TSHZ2: variants seen among roughly 807,000 people sequenced by gnomAD.
The protein encoded by TSHZ2 is teashirt zinc finger homeobox 2, also known as teashirt homolog 2.
A neutral mutation model predicts 74.4 loss-of-function variants in TSHZ2; 21 were observed. The observed-to-expected ratio is 0.28, with a 90% confidence interval of 0.20 to 0.41. The LOEUF is 0.41. Among genes scored for constraint, TSHZ2 ranks in the 10% least tolerant of loss-of-function variants. The pLI is 1.00. For synonymous variants in TSHZ2, 540 were observed against 515.3 expected, an observed-to-expected ratio of 1.05 and a Z score of -0.65; for missense variants, 1,244 against 1,293.5, an observed-to-expected ratio of 0.96 and a Z score of 0.59.
At chr20:53,223,664 G>A (rs533880568) in intron 1 of TSHZ2, among the ~76,000 whole-genome samples, 200 of 152,094 alleles carry the variant, frequency 1.3e-3, no homozygotes, top group Non-Finnish European at 2.0e-3. Flanking sequence ...CCAAAGTGCC[G>A]GGATTACAGA....
chr20:53,423,690 C>T (rs1357927040), intron 2 of TSHZ2, among the ~76,000 whole-genome samples: 1 of 152,200 alleles, frequency 6.6e-6, no homozygotes, highest in African/African-American at 2.4e-5. Flanking sequence ...GCACATGTCA[C>T]CTCATTCCGC....
chr20:53,089,105 A>G (rs1438011650), intron 1 of TSHZ2, among the ~76,000 whole-genome samples: 1 of 151,658 alleles, frequency 6.6e-6, no homozygotes, highest in Non-Finnish European at 1.5e-5. Context: ...CTCCTTGGTG[A>G]TACCTTTTTA....
At chr20:53,107,589 T>A (rs1568762614) in intron 1 of TSHZ2, among the ~76,000 whole-genome samples, 1 of 152,198 alleles carries the variant, frequency 6.6e-6, no homozygotes, top group Non-Finnish European at 1.5e-5. Flanking sequence ...TAATAGCATC[T>A]AGGACAAGGG....
intron 1 of TSHZ2, among the ~76,000 whole-genome samples, chr20:53,052,604 T>C (rs1255294022): frequency 2.6e-5 from 4 of 152,220 alleles, no homozygotes; most frequent in African/African-American, 7.2e-5. Flanking sequence ...TTCAAGGTTC[T>C]GTGATAACAT....
At chr20:53,227,870 C>A (rs897907346) in intron 1 of TSHZ2, among the ~76,000 whole-genome samples, 2 of 152,018 alleles carry the variant, frequency 1.3e-5, no homozygotes, top group Non-Finnish European at 2.9e-5. Flanking sequence ...ATTTTTCTTT[C>A]TTTCGTTCTT....
At chr20:53,397,367 A>C (rs1354988232) in intron 2 of TSHZ2, among the ~76,000 whole-genome samples, 2 of 152,226 alleles carry the variant, frequency 1.3e-5, no homozygotes, top group African/African-American at 2.4e-5. Context: ...CAACAGACAC[A>C]TGAAAAAATG....
At chr20:53,385,855 G>A (rs1304093171) in intron 2 of TSHZ2, among the ~76,000 whole-genome samples, 1 of 152,182 alleles carries the variant, frequency 6.6e-6, no homozygotes, top group Admixed American at 6.5e-5. Context: ...TGGAGAGGCT[G>A]GAATCTAGTG....
intron 1 of TSHZ2, among the ~76,000 whole-genome samples, chr20:53,182,234 C>T (rs200683659): frequency 5.5e-5 from 8 of 146,428 alleles, no homozygotes; most frequent in Non-Finnish European, 7.5e-5. Flanking sequence ...TCTTGACTCC[C>T]TCCTTCCTTC....
rs191974648 is a variant in TSHZ2 at position 53,452,619 on chromosome 20, A to G, written c.*9-34525A>G. Among the ~76,000 whole-genome samples the G allele has an allele frequency of 2.7e-5, 4 of 150,074 alleles. No individual in the cohort carries two copies. The East Asian group carries it at 7.8e-4, about 29-fold the overall frequency. ...GTCTCAAAAAAAAAAAAAAAAAGGA[A>G]CTAGAACAAATCAATCACTGTATCT... On this transcript the variant is annotated intron_variant, in intron 2 of 2. Coordinates refer to ENST00000371497, the MANE Select transcript of TSHZ2 (RefSeq NM_173485.6).
At chr20:53,371,305 A>C (rs984359892) in intron 2 of TSHZ2, among the ~76,000 whole-genome samples, 1 of 152,198 alleles carries the variant, frequency 6.6e-6, no homozygotes, top group African/African-American at 2.4e-5. Flanking sequence ...GGAATCTGGG[A>C]ACCACCGAAT....
intron 1 of TSHZ2, among the ~76,000 whole-genome samples, chr20:53,062,209 T>C (rs1168783155): frequency 6.6e-6 from 1 of 152,190 alleles, no homozygotes; most frequent in Non-Finnish European, 1.5e-5. Context: ...AAATGGAAAT[T>C]AATTGTGCCT....
chr20:53,435,456 A>G (rs1984014096), intron 2 of TSHZ2, among the ~76,000 whole-genome samples: 1 of 152,230 alleles, frequency 6.6e-6, no homozygotes, highest in Admixed American at 6.5e-5. Context: ...AAACGTATCT[A>G]TGTGAAAAAA....
intron 2 of TSHZ2, among the ~76,000 whole-genome samples, chr20:53,309,357 C>T (rs1978682029): frequency 6.6e-6 from 1 of 151,884 alleles, no homozygotes; most frequent in South Asian, 2.1e-4. Flanking sequence ...ACTTCTATAC[C>T]AAAGCATGCA....
At chr20:53,322,116 AT>A (rs1979292838) in intron 2 of TSHZ2, among the ~76,000 whole-genome samples, 1 of 152,176 alleles carries the variant, frequency 6.6e-6, no homozygotes, top group Non-Finnish European at 1.5e-5. Context: ...CTGGGACTCT[AT>A]TTTCCTATCT....
At chr20:53,373,644 T>C (rs1981556488) in intron 2 of TSHZ2, among the ~76,000 whole-genome samples, 2 of 152,220 alleles carry the variant, frequency 1.3e-5, no homozygotes, top group South Asian at 4.1e-4. Flanking sequence ...TTGGGATGTA[T>C]GTTCAAGTTC....
Position 53,084,619 on chromosome 20 carries a change from C to G in TSHZ2, c.40+111286C>G, listed in dbSNP as rs1433004918. 2.0e-5 allele frequency among the ~76,000 whole-genome samples: 3 copies of G among 148,950 alleles called. No homozygotes were observed. In the East Asian group the frequency reaches 6.0e-4, roughly 30 times the overall value. On this transcript the variant is annotated intron_variant, in intron 1 of 2. Transcript: ENST00000371497. ...TCCTCTGTTTTTCTTCCTTTCCAAC[C>G]AAACTTCCTCCCTCCCTCCCTCCCT... is the stretch of plus-strand genomic sequence containing the variant.
At chr20:53,050,103 G>GTATGTATATATATATATATATA (rs1422702818) in intron 1 of TSHZ2, among the ~76,000 whole-genome samples, 53 of 116,038 alleles carry the variant, frequency 4.6e-4, no homozygotes, top group African/African-American at 2.0e-3. Context: ...GTATATGTGT[G>GTATGTATATATATATATATATA]TATATATATA....
chr20:53,274,259 A>G (rs1331178618), intron 2 of TSHZ2, among the ~76,000 whole-genome samples: 1 of 152,136 alleles, frequency 6.6e-6, no homozygotes, highest in African/African-American at 2.4e-5. Context: ...ACAGAGTGAG[A>G]CTCCATCTCA....
chr20:53,093,202 A>G (rs1390871094), intron 1 of TSHZ2, among the ~76,000 whole-genome samples: 3 of 152,208 alleles, frequency 2.0e-5, no homozygotes, highest in Non-Finnish European at 4.4e-5. Flanking sequence ...TATTGGGAGA[A>G]TCTAACGAGG....
Sources: gnomAD v4.1 joint callset for allele counts (sites outside exome capture counted in the v4.1 genomes callset) on GRCh38, gnomAD v4.1.1 for gene constraint, MANE v1.5 for transcripts, NCBI Gene and HGNC (gene_info 2026-07-23, HGNC 2026-07-21) for gene names.